The following OSBPL1A variants were observed in gnomAD, a reference collection of about 807,000 sequenced individuals.
OSBPL1A encodes the protein oxysterol-binding protein-related protein 1.
Under a neutral mutation model 137.1 loss-of-function variants are expected in OSBPL1A, and 80 were observed. The ratio of observed to expected loss-of-function variants is 0.58; its 90% CI spans 0.49 to 0.70. The LOEUF is 0.70. OSBPL1A is among the 30% of genes least tolerant of loss of function. The pLI is 0.00. For missense variants in OSBPL1A, 970 were observed against 1,129.4 expected (o/e 0.86, Z 2.02); for synonymous variants, 365 against 389.7 (o/e 0.94, Z 0.75).
chr18:24,249,552 C>G (rs1464900421), intron 15 of OSBPL1A, among the ~76,000 whole-genome samples: 1 of 152,126 alleles, frequency 6.6e-6, no homozygotes, highest in Non-Finnish European at 1.5e-5. Flanking sequence ...CACCAACCCT[C>G]CCCTATCCCC....
At chr18:24,199,230 C>T (rs1220449093) in intron 17 of OSBPL1A, among the ~76,000 whole-genome samples, 1 of 152,042 alleles carries the variant, frequency 6.6e-6, no homozygotes, top group East Asian at 1.9e-4. Flanking sequence ...GCAAAGGTGT[C>T]TGGAAAACAT....
At chr18:24,356,180 G>A (rs75219387) in intron 4 of OSBPL1A, among the ~76,000 whole-genome samples, 3 of 149,046 alleles carry the variant, frequency 2.0e-5, no homozygotes, top group Non-Finnish European at 1.5e-5. Context: ...CATCTCAAAA[G>A]AAAAAAAAAA....
At chr18:24,192,025 T>G (rs528073475) in intron 18 of OSBPL1A, among the ~76,000 whole-genome samples, 2 of 152,230 alleles carry the variant, frequency 1.3e-5, no homozygotes, top group Admixed American at 6.5e-5. Context: ...TACAACACTT[T>G]TCTTTCACTT....
chr18:24,314,259 T>C lies in OSBPL1A; in HGVS notation c.959A>G (p.Gln320Arg). Reference protein sequence around the residue: ...GFRVPKNSLQQSREDWLEAIE... With the variant: ...GFRVPKNSLQRSREDWLEAIE... ...AATCCATAAGATTACCTCTCTTGAC[T>C]GCTGAAGGCTATTCTTAGGAACCCG... The change falls in exon 12 of 28, where the codon CAG becomes CGG. Residue 320 changes from glutamine (Q) to arginine (R), a missense_variant. Gln to Arg is a conservative substitution (Grantham distance 43). Coordinates refer to ENST00000319481, the MANE Select transcript of OSBPL1A (RefSeq NM_080597.4). 6.3e-7 allele frequency: 1 copy of C among 1,597,990 alleles called. No individual in the cohort carries two copies. The highest frequency in any genetic ancestry group is 8.5e-7 in the Non-Finnish European group (1 of 1,171,878).
intron 6 of OSBPL1A, among the ~76,000 whole-genome samples, chr18:24,333,544 T>C (rs1199149838): frequency 1.3e-5 from 2 of 152,274 alleles, no homozygotes; most frequent in African/African-American, 4.8e-5. Flanking sequence ...AGCTTCTTTA[T>C]ATAGCCTCCA....
intron 1 of OSBPL1A, among the ~76,000 whole-genome samples, chr18:24,380,983 A>G (rs1259336634): frequency 6.6e-6 from 1 of 152,072 alleles, no homozygotes; most frequent in Admixed American, 6.6e-5. Flanking sequence ...AGAAAAAAGA[A>G]AAAGTAAAAA....
chr18:24,330,942 A>C (rs1430700416), intron 7 of OSBPL1A, among the ~76,000 whole-genome samples: 17 of 151,702 alleles, frequency 1.1e-4, no homozygotes, highest in Admixed American at 8.5e-4. Context: ...CTACAGGTGC[A>C]CGCCACCATG....
chr18:24,354,748 C>CAAAAAAAAAAAAA (rs59694707), intron 4 of OSBPL1A, among the ~76,000 whole-genome samples: 138 of 77,052 alleles, frequency 1.8e-3, no homozygotes, highest in East Asian at 3.1e-3. Flanking sequence ...CTCAATATAG[C>CAAAAAAAAAAAAA]AAAAAAAAAA....
At chr18:24,350,613 T>C (rs745627689) in intron 4 of OSBPL1A, among the ~76,000 whole-genome samples, 45 of 152,266 alleles carry the variant, frequency 3.0e-4, no homozygotes, top group Non-Finnish European at 5.0e-4. Flanking sequence ...TTTTAATTTA[T>C]ATACTTCCAG....
intron 15 of OSBPL1A, among the ~76,000 whole-genome samples, chr18:24,261,005 T>C (rs2089433317): frequency 1.3e-5 from 2 of 152,200 alleles, no homozygotes; most frequent in East Asian, 3.9e-4. Context: ...ACAACCTAAA[T>C]ATCCATCAAC....
intron 15 of OSBPL1A, among the ~76,000 whole-genome samples, chr18:24,245,334 C>T (rs2088851397): frequency 6.6e-6 from 1 of 152,124 alleles, no homozygotes; most frequent in South Asian, 2.1e-4. Flanking sequence ...TCAAGTGATC[C>T]TCCTACCTCT....
chr18:24,309,978 C>T (rs902795131), intron 13 of OSBPL1A, among the ~76,000 whole-genome samples: 1 of 142,782 alleles, frequency 7.0e-6, no homozygotes, highest in Non-Finnish European at 1.5e-5. Flanking sequence ...ACCCGGGAGG[C>T]GGAAGTTGCA....
chr18:24,251,833 G>T (rs1179862509), intron 15 of OSBPL1A, among the ~76,000 whole-genome samples: 2 of 152,068 alleles, frequency 1.3e-5, no homozygotes, highest in Non-Finnish European at 2.9e-5. Context: ...ATAACACAGA[G>T]AAAGAACTCA....
intron 4 of OSBPL1A, among the ~76,000 whole-genome samples, chr18:24,352,696 T>C (rs1030520106): frequency 2.0e-5 from 3 of 152,214 alleles, no homozygotes; most frequent in African/African-American, 2.4e-5. Flanking sequence ...CAAAACAGCA[T>C]GGTACTGGTA....
At chr18:24,168,522 C>G (rs1374682597) in intron 24 of OSBPL1A, among the ~76,000 whole-genome samples, 1 of 152,198 alleles carries the variant, frequency 6.6e-6, no homozygotes, top group Non-Finnish European at 1.5e-5. Context: ...TGTATGTATG[C>G]AGTCTTTATG....
intron 5 of OSBPL1A, among the ~76,000 whole-genome samples, chr18:24,336,739 C>T (rs1440341234): frequency 1.3e-5 from 2 of 152,152 alleles, no homozygotes; most frequent in Admixed American, 1.3e-4. Flanking sequence ...CTGACTGATG[C>T]TTACATACAT....
chr18:24,269,085 T>G (rs1159607847), intron 15 of OSBPL1A, among the ~76,000 whole-genome samples: 1 of 152,208 alleles, frequency 6.6e-6, no homozygotes, highest in African/African-American at 2.4e-5. Flanking sequence ...ATCTCTGCTC[T>G]GCATCCCCCT....
Position 24,301,127 on chromosome 18 carries a change from T to G in OSBPL1A, c.1174+2510A>C, listed in dbSNP as rs138343924. On this transcript the variant is annotated intron_variant, in intron 14 of 27. Coordinates refer to ENST00000319481, the MANE Select transcript of OSBPL1A (RefSeq NM_080597.4). ...CAAATCATCTTAACCCTATTATTAC[T>G]TATGTAAAATGCAGTTTATCTGTAC... Among the ~76,000 whole-genome samples, 262 of 152,362 alleles carry G rather than the reference T, an allele frequency of 1.7e-3. 2 individuals are homozygous for G. Among genetic ancestry groups the G allele is most frequent in the Admixed American group, 1.6e-3 (25 of 15,304 alleles).
At chr18:24,259,099 T>G (rs957422606) in intron 15 of OSBPL1A, among the ~76,000 whole-genome samples, 1 of 152,052 alleles carries the variant, frequency 6.6e-6, no homozygotes, top group African/African-American at 2.4e-5. Context: ...TTTTTTATTT[T>G]TAGTAGAGAC....
Sources: gnomAD v4.1 joint callset for allele counts (sites outside exome capture counted in the v4.1 genomes callset) on GRCh38, gnomAD v4.1.1 for gene constraint, MANE v1.5 for transcripts, NCBI Gene and HGNC (gene_info 2026-07-23, HGNC 2026-07-21) for gene names.